The following DNAH12 variants were observed in gnomAD, a reference collection of about 807,000 sequenced individuals.
DNAH12 encodes dynein axonemal heavy chain 12.
In DNAH12, 285 loss-of-function variants were observed where a neutral mutation model predicts 371.5. The observed-to-expected ratio is 0.77, with a 90% CI of 0.70 to 0.85. DNAH12 has a LOEUF of 0.85. Ranked by LOEUF, DNAH12 falls within the 40% of genes least tolerant of loss-of-function variation. The probability of loss-of-function intolerance (pLI) is 0.00; values close to 1 mark genes in which losing one functional copy is unlikely to be tolerated. For missense variants in DNAH12, 3,611 were observed against 3,689.4 expected (o/e 0.98, Z 0.55); for synonymous variants, 1,200 against 1,213.0 (o/e 0.99, Z 0.22).
intron 35 of DNAH12, among the ~76,000 whole-genome samples, chr3:57,422,363 G>A (rs2064616695): frequency 6.6e-6 from 1 of 152,092 alleles, no homozygotes; most frequent in Non-Finnish European, 1.5e-5. Context: ...GAGTAGCTGG[G>A]ACTACAGGCG....
At chr3:57,389,844 CTTT>C (rs1206183437) in intron 45 of DNAH12, among the ~76,000 whole-genome samples, 1 of 65,526 alleles carries the variant, frequency 1.5e-5, no homozygotes, top group Non-Finnish European at 4.1e-5. Flanking sequence ...ATATATAATA[CTTT>C]TTTTTTTGAA....
At chr3:57,372,208 A>G (rs958511553) in intron 55 of DNAH12, among the ~76,000 whole-genome samples, 1 of 152,252 alleles carries the variant, frequency 6.6e-6, no homozygotes, top group Admixed American at 6.5e-5. Flanking sequence ...ATCACTGTAC[A>G]TGGAATGAAT....
At chr3:57,361,250 T>G (rs1253845976) in intron 58 of DNAH12, among the ~76,000 whole-genome samples, 2 of 151,548 alleles carry the variant, frequency 1.3e-5, no homozygotes, top group African/African-American at 4.9e-5. Flanking sequence ...TCAGGAGTCC[T>G]GAGGCAGGAG....
chr3:57,344,874 G>A (rs1238346102), intron 60 of DNAH12, among the ~76,000 whole-genome samples: 10 of 152,050 alleles, frequency 6.6e-5, no homozygotes, highest in Non-Finnish European at 1.3e-4. Flanking sequence ...TAGGATGAGT[G>A]TAGTTAACAA....
At chr3:57,390,099 G>C (rs2153346665) in intron 45 of DNAH12, among the ~76,000 whole-genome samples, 1 of 149,308 alleles carries the variant, frequency 6.7e-6, no homozygotes, top group East Asian at 2.2e-4. Context: ...CTCCCAAAGT[G>C]CTGGGATTAC....
At chr3:57,315,173 C>T (rs1364248717) in intron 65 of DNAH12, among the ~76,000 whole-genome samples, 1 of 151,898 alleles carries the variant, frequency 6.6e-6, no homozygotes, top group African/African-American at 2.4e-5. Context: ...GTCAGTGTTC[C>T]AGAGGATGGT....
At chr3:57,498,478 G>A in intron 11 of DNAH12, 2 of 712,344 alleles carry the variant, frequency 2.8e-6, no homozygotes, top group Non-Finnish European at 5.2e-6. Context: ...TACTATGCCT[G>A]GCTTAACAGT....
chr3:57,302,538 T>TC (rs1306323070), intron 69 of DNAH12, among the ~76,000 whole-genome samples: 6 of 55,286 alleles, frequency 1.1e-4, no homozygotes, highest in African/African-American at 3.0e-4. Flanking sequence ...TGTATATATA[T>TC]ATATATATAT....
intron 62 of DNAH12, among the ~76,000 whole-genome samples, chr3:57,329,315 T>A (rs1481176917): frequency 7.8e-6 from 1 of 127,728 alleles, no homozygotes; most frequent in Non-Finnish European, 1.6e-5. Context: ...CAAACTATAC[T>A]ACAAGGCTAC....
chr3:57,486,690 C>A (rs2066932293), intron 12 of DNAH12, among the ~76,000 whole-genome samples: 1 of 151,900 alleles, frequency 6.6e-6, no homozygotes, highest in African/African-American at 2.4e-5. Flanking sequence ...GACAAAAGCA[C>A]ACAAATATGT....
At chr3:57,454,260 C>G (rs1559679150) in intron 23 of DNAH12, among the ~76,000 whole-genome samples, 1 of 152,048 alleles carries the variant, frequency 6.6e-6, no homozygotes, top group Non-Finnish European at 1.5e-5. Flanking sequence ...GTGGGCGGAT[C>G]TCCTGAGGTC....
chr3:57,302,034 A>G, intron 69 of DNAH12, 95 bp from the exon 70 acceptor site: 3 of 1,349,290 alleles, frequency 2.2e-6, no homozygotes, highest in Non-Finnish European at 3.0e-6. Flanking sequence ...TCCCAGCTTT[A>G]TGGGATTGCT....
intron 62 of DNAH12, among the ~76,000 whole-genome samples, chr3:57,327,980 C>G (rs977054123): frequency 1.3e-5 from 2 of 151,554 alleles, no homozygotes; most frequent in African/African-American, 2.4e-5. Flanking sequence ...ATAAATTCCT[C>G]GACACATACA....
chr3:57,457,658 C>A, intron 22 of DNAH12, 63 bp downstream of exon 22: 1 of 1,440,302 alleles, frequency 6.9e-7, no homozygotes, highest in Non-Finnish European at 9.2e-7. Flanking sequence ...TACTGGTTTC[C>A]AAAACCTCTT....
At chr3:57,549,571 TCTCTC>T in the DNAH12 span, among the ~76,000 whole-genome samples, 1 of 152,064 alleles carries the variant, frequency 6.6e-6, no homozygotes, top group East Asian at 1.9e-4. Flanking sequence ...TTTCTCTCTC[TCTCTC>T]TTCTTTCTTT....
intron 2 of DNAH12, among the ~76,000 whole-genome samples, chr3:57,537,365 G>A (rs540476119): frequency 4.6e-5 from 7 of 152,292 alleles, no homozygotes; most frequent in East Asian, 1.9e-4. Context: ...AGTAGCTAAG[G>A]AAGAAGGCAG....
At chr3:57,332,054 CT>C (rs2062111337) in intron 62 of DNAH12, among the ~76,000 whole-genome samples, 1 of 152,162 alleles carries the variant, frequency 6.6e-6, no homozygotes, top group Admixed American at 6.5e-5. Flanking sequence ...ACTGTCTCTG[CT>C]GTATTTCGAA....
At chr3:57,426,451 A>C (rs1268243619) in intron 34 of DNAH12, among the ~76,000 whole-genome samples, 2 of 152,080 alleles carry the variant, frequency 1.3e-5, no homozygotes, top group South Asian at 2.1e-4. Flanking sequence ...GAGATACTAT[A>C]ACGGGAAGGG....
At chr3:57,360,312 A>G (rs1459573428) in intron 58 of DNAH12, among the ~76,000 whole-genome samples, 1 of 148,550 alleles carries the variant, frequency 6.7e-6, no homozygotes, top group African/African-American at 2.5e-5. Context: ...ACCAAATAGT[A>G]CAAGTGACCA....
Sources: gnomAD v4.1 joint callset for allele counts (sites outside exome capture counted in the v4.1 genomes callset) on GRCh38, gnomAD v4.1.1 for gene constraint, MANE v1.5 for transcripts, NCBI Gene and HGNC (gene_info 2026-07-23, HGNC 2026-07-21) for gene names.